The following TRERF1 variants were observed in gnomAD, a reference collection of about 807,000 sequenced individuals.
The protein encoded by TRERF1 is transcriptional regulating factor 1.
A neutral mutation model predicts 122.9 loss-of-function variants in TRERF1; 27 were observed. That is an observed-to-expected ratio of 0.22 (90% confidence interval 0.16 to 0.30). The LOEUF is 0.30. Ranked by LOEUF, TRERF1 falls within the 10% of genes least tolerant of loss-of-function variation. TRERF1 has a pLI of 1.00. For missense variants in TRERF1, 1,248 were observed against 1,560.3 expected (o/e 0.80, Z 3.37); for synonymous variants, 636 against 641.7 (o/e 0.99, Z 0.13).
intron 4 of TRERF1, among the ~76,000 whole-genome samples, chr6:42,294,705 C>A (rs1784818083): frequency 6.6e-6 from 1 of 152,104 alleles, no homozygotes. Flanking sequence ...CCGCAATAAC[C>A]CTGGCACCCC....
At chr6:42,390,246 A>G (rs1375437895) in intron 2 of TRERF1, among the ~76,000 whole-genome samples, 1 of 152,208 alleles carries the variant, frequency 6.6e-6, no homozygotes, top group Non-Finnish European at 1.5e-5. Context: ...AGCAAAGTAG[A>G]GTGAAAGGAT....
intron 2 of TRERF1, among the ~76,000 whole-genome samples, chr6:42,428,859 C>T (rs1227319597): frequency 1.3e-5 from 2 of 152,172 alleles, no homozygotes; most frequent in Non-Finnish European, 2.9e-5. Context: ...TCCCTCCCTT[C>T]CACACATTAA....
chr6:42,254,828 A>G (rs1368403196), intron 13 of TRERF1, 23 bp downstream of exon 13: 1 of 1,612,572 alleles, frequency 6.2e-7, no homozygotes, highest in Non-Finnish European at 8.5e-7. Context: ...AGGCAACAGG[A>G]CACAGGGCTC....
chr6:42,445,946 G>A (rs903678617), intron 2 of TRERF1, among the ~76,000 whole-genome samples: 6 of 152,198 alleles, frequency 3.9e-5, no homozygotes, highest in South Asian at 2.1e-4. Context: ...ATGAAGTCTC[G>A]CTCTGTCACC....
intron 15 of TRERF1, among the ~76,000 whole-genome samples, chr6:42,240,061 T>C (rs2149566375): frequency 6.6e-6 from 1 of 151,704 alleles, no homozygotes; most frequent in East Asian, 2.0e-4. Flanking sequence ...TGGGTCTCCC[T>C]ACCCATCTTC....
intron 3 of TRERF1, among the ~76,000 whole-genome samples, chr6:42,306,432 C>T (rs1026714625): frequency 2.0e-5 from 3 of 152,212 alleles, no homozygotes; most frequent in South Asian, 4.1e-4. Context: ...TAATCAGGCC[C>T]TCGTGTATCT....
chr6:42,425,942 A>T (rs1783581347), intron 2 of TRERF1, among the ~76,000 whole-genome samples: 1 of 151,984 alleles, frequency 6.6e-6, no homozygotes, highest in Non-Finnish European at 1.5e-5. Flanking sequence ...CATCCCACAA[A>T]GACTTTCCCT....
intron 4 of TRERF1, among the ~76,000 whole-genome samples, chr6:42,271,184 T>TAA (rs761098527): frequency 1.1e-4 from 11 of 102,694 alleles, no homozygotes; most frequent in African/African-American, 3.2e-4. Context: ...AAACTCCATC[T>TAA]AAAAAAAAAA....
chr6:42,267,332 T>TA (rs1779391343), intron 5 of TRERF1, among the ~76,000 whole-genome samples: 1 of 151,684 alleles, frequency 6.6e-6, no homozygotes, highest in Non-Finnish European at 1.5e-5. Context: ...AGACCCTGTC[T>TA]AAAAAAAGAA....
intron 2 of TRERF1, among the ~76,000 whole-genome samples, chr6:42,377,676 G>A (rs1370387715): frequency 6.6e-6 from 1 of 152,176 alleles, no homozygotes; most frequent in Non-Finnish European, 1.5e-5. Flanking sequence ...GGACTCATGG[G>A]CACTGTCCAA....
At chr6:42,288,702 A>C (rs1251837724) in intron 4 of TRERF1, among the ~76,000 whole-genome samples, 1 of 151,810 alleles carries the variant, frequency 6.6e-6, no homozygotes, top group Non-Finnish European at 1.5e-5. Flanking sequence ...TAGGGAGGGG[A>C]AATAGGGTGC....
rs916155654 is a variant in TRERF1 at position 42,268,928 on chromosome 6, A to G, written c.663T>C (p.Leu221=). 6.2e-7 allele frequency: 1 copy of G among 1,612,426 alleles called. No individual in the cohort carries two copies. The highest frequency in any genetic ancestry group is 1.3e-5 in the African/African-American group (1 of 74,836). The change falls in exon 5 of 18, where the codon CTT becomes CTC. Residue 221 remains leucine, a synonymous_variant. Coordinates refer to ENST00000372922, the Ensembl canonical transcript of TRERF1. The surrounding 1 kb of genome is among the most constrained non-coding windows in gnomAD (Gnocchi z 4.4). ...CTTGGGTAGGGTGCTGCCCGACCTG[A>G]AGAGCTGGTTTGGACAGCCCACCAG...
intron 2 of TRERF1, among the ~76,000 whole-genome samples, chr6:42,418,037 A>G (rs1279092341): frequency 1.3e-5 from 2 of 152,026 alleles, no homozygotes; most frequent in Non-Finnish European, 2.9e-5. Context: ...ATTGCCACAA[A>G]TCTCTAACCT....
intron 2 of TRERF1, among the ~76,000 whole-genome samples, chr6:42,386,462 A>G (rs1776837291): frequency 6.6e-6 from 1 of 152,178 alleles, no homozygotes; most frequent in Non-Finnish European, 1.5e-5. Flanking sequence ...AGAAAGAAAG[A>G]AAGAAAAAAG....
chr6:42,268,461 T>C lies in TRERF1; in HGVS notation c.1130A>G (p.Tyr377Cys). The C allele has an allele frequency of 6.3e-7, 1 of 1,597,032 alleles. No homozygotes were observed. Among genetic ancestry groups the C allele is most frequent in the Non-Finnish European group, 8.5e-7 (1 of 1,170,726 alleles). The stretch of plus-strand genomic sequence containing the variant: ...GGGCTGCTGGGGCTCCTGGTAGTAG[T>C]ACTGGGACATGGAGCCCAGGGGAAT... The change falls in exon 5 of 18, where the codon TAC becomes TGC. Residue 377 changes from tyrosine (Y) to cysteine (C), a missense_variant. Around this residue, in one of 5 missense-constraint regions of TRERF1, gnomAD observed 946 missense variants for 1,073.0 expected, o/e 0.88. Transcript: ENST00000372922. This position sits in a 1 kb window ranked among gnomAD's most constrained non-coding sequence, Gnocchi z 4.4.
At chr6:42,397,322 A>C (rs1778763610) in intron 2 of TRERF1, among the ~76,000 whole-genome samples, 1 of 151,938 alleles carries the variant, frequency 6.6e-6, no homozygotes, top group Non-Finnish European at 1.5e-5. Context: ...CTCTATACAA[A>C]CTCCTGGTTA....
intron 3 of TRERF1, among the ~76,000 whole-genome samples, chr6:42,305,164 G>C (rs1289005659): frequency 6.6e-6 from 1 of 152,214 alleles, no homozygotes; most frequent in Admixed American, 6.5e-5. Flanking sequence ...CAAGGCCACA[G>C]AACTGAGTGG....
At chr6:42,447,087 C>T (rs1204580808) in intron 2 of TRERF1, among the ~76,000 whole-genome samples, 2 of 152,146 alleles carry the variant, frequency 1.3e-5, no homozygotes, top group Non-Finnish European at 2.9e-5. Flanking sequence ...TTCTTTGTCC[C>T]CTTCCTGCTC....
At chr6:42,392,931 T>TGCAC (rs1777993009) in intron 2 of TRERF1, among the ~76,000 whole-genome samples, 1 of 148,002 alleles carries the variant, frequency 6.8e-6, no homozygotes. Flanking sequence ...TACACACACA[T>TGCAC]ACACACACAC....
Sources: allele counts gnomAD v4.1 joint callset (sites outside exome capture counted in the v4.1 genomes callset), GRCh38; gene constraint gnomAD v4.1.1; regional missense constraint gnomAD v4.1.1; non-coding constraint Gnocchi (gnomAD v3.1); transcripts MANE v1.5; gene names NCBI Gene and HGNC (gene_info 2026-07-23, HGNC 2026-07-21).